C2: variants seen among roughly 807,000 people sequenced by gnomAD.
The protein encoded by C2 is C3/C5 convertase.
Under a neutral mutation model 85.2 loss-of-function variants are expected in C2, and 64 were observed. That is an observed-to-expected ratio of 0.75 (90% CI 0.61 to 0.92). The LOEUF is 0.92. Ranked by LOEUF, C2 falls within the 40% of genes least tolerant of loss-of-function variation. The probability of loss-of-function intolerance (pLI) is 0.00; values close to 1 mark genes in which losing one functional copy is unlikely to be tolerated. For missense variants in C2, 820 were observed against 971.6 expected, an observed-to-expected ratio of 0.84 and a Z score of 2.07; for synonymous variants, 311 against 370.8, an observed-to-expected ratio of 0.84 and a Z score of 1.85.
At chr6:31,898,166 C>T (rs948105083), upstream of C2, among the ~76,000 whole-genome samples, 1 of 152,198 alleles carries the variant, frequency 6.6e-6, no homozygotes, top group Non-Finnish European at 1.5e-5. Flanking sequence ...CTGGTTCTAG[C>T]ATGCTGCTTC....
intron 8 of C2, among the ~76,000 whole-genome samples, chr6:31,938,015 A>AAAAT (rs909615663): frequency 6.6e-6 from 1 of 151,940 alleles, no homozygotes; most frequent in African/African-American, 2.4e-5. Flanking sequence ...GTCTCAAAAT[A>AAAAT]AAATAAATAA....
At chr6:31,940,674 A>G (rs558353394) in intron 9 of C2, among the ~76,000 whole-genome samples, 2 of 152,264 alleles carry the variant, frequency 1.3e-5, no homozygotes, top group East Asian at 3.9e-4. Context: ...GGCCCAAGGA[A>G]GACAAAATTT....
rs544167 is a variant in C2 at position 31,922,381 on chromosome 6, T to G, written c.-100+2355T>G. Among the ~76,000 whole-genome samples the G allele has an allele frequency of 0.072, 10,882 of 152,146 alleles. 413 individuals are homozygous for G. The highest frequency in any genetic ancestry group is 0.11 in the African/African-American group (4,411 of 41,496). On this transcript the variant is annotated intron_variant, in intron 1 of 3. Transcript: ENST00000413154. The surrounding 1 kb of genome is among the most constrained non-coding windows in gnomAD (Gnocchi z 4.8). ...GATCCTAGGATGACCGCGAAGTCCA[T>G]GCCCAAGTGGCCAGACTGGATAAGG...
In C2 at chr6:31,935,731, A is replaced by T. The variant is rs1456578558; in HGVS notation, c.850-192A>T. ...TGATCCACCTGCCTAAAGTGTTGGG[A>T]TTCAGGCATGAGCCACCGCGCCCAG... On this transcript the variant is annotated intron_variant, in intron 6 of 17. Transcript: ENST00000299367. The surrounding 1 kb of genome is among the most constrained non-coding windows in gnomAD (Gnocchi z 4.3). Among the ~76,000 whole-genome samples, 1 of 151,900 alleles carries T rather than the reference A, an allele frequency of 6.6e-6. No homozygotes were observed.
chr6:31,931,870 A>C (rs1454924185), intron 3 of C2, among the ~76,000 whole-genome samples: 8 of 127,230 alleles, frequency 6.3e-5, no homozygotes, highest in African/African-American at 8.7e-5. Flanking sequence ...CCTCCCGGAC[A>C]GGGCGGCTGG....
intron 1 of C2, among the ~76,000 whole-genome samples, chr6:31,906,605 T>C (rs1767728900): frequency 6.6e-6 from 1 of 151,838 alleles, no homozygotes; most frequent in African/African-American, 2.4e-5. Context: ...TCGACAAATA[T>C]TCTATCCTCT....
chr6:31,940,295 C>CCGT (rs1202081002), intron 9 of C2, among the ~76,000 whole-genome samples: 1 of 152,180 alleles, frequency 6.6e-6, no homozygotes, highest in Non-Finnish European at 1.5e-5. Flanking sequence ...ATGACCACGA[C>CCGT]CGTCGTCGTT....
intron 1 of C2, among the ~76,000 whole-genome samples, chr6:31,912,020 T>G (rs1768145544): frequency 6.8e-6 from 1 of 146,194 alleles, no homozygotes; most frequent in African/African-American, 2.5e-5. Flanking sequence ...ATCCGCCCAC[T>G]GCAGTCTCCC....
At chr6:31,908,738 T>C (rs1398269304) in intron 1 of C2, among the ~76,000 whole-genome samples, 1 of 151,754 alleles carries the variant, frequency 6.6e-6, no homozygotes, top group African/African-American at 2.4e-5. Context: ...GCTATCGATA[T>C]CAAGATAAAA....
At chr6:31,898,269 G>T (rs1281840086), upstream of C2, among the ~76,000 whole-genome samples, 1 of 152,188 alleles carries the variant, frequency 6.6e-6, no homozygotes, top group African/African-American at 2.4e-5. Context: ...ACGCACTAGG[G>T]ATCCAGGTAA....
chr6:31,934,864 C>A, intron 6 of C2: 1 of 254,628 alleles, frequency 3.9e-6, no homozygotes, highest in Non-Finnish European at 6.3e-6. Flanking sequence ...ACAAAATTAG[C>A]CACATGTGAT....
At position 31,934,577 on chromosome 6, in the gene C2, C is replaced by T. The variant is rs186149023; in HGVS notation, c.849+278C>T. The T allele has an allele frequency of 3.1e-5, 44 of 1,438,334 alleles. No homozygotes were observed. The East Asian group carries it at 1.0e-3, about 34-fold the overall frequency. 89.1% of individuals were successfully genotyped at this position (1,438,334 alleles called of 1,614,324 possible). A position where few individuals can be genotyped will look rare whatever the true frequency, so the allele number is the denominator to read the frequency against. ...AATTCATCATCTAGAACAGTGGTCT[C>T]CACAGAAAGGTAGTGAGATAACCCA... On this transcript the variant is annotated intron_variant, in intron 6 of 17. Transcript: ENST00000299367.
chr6:31,944,263 G>A lies in C2; in HGVS notation c.1902+37G>A, dbSNP rs1771166862. On this transcript the variant is annotated intron_variant, in intron 15 of 17. Coordinates refer to ENST00000299367, the MANE Select transcript of C2 (RefSeq NM_000063.6). The surrounding 1 kb of genome is among the most constrained non-coding windows in gnomAD (Gnocchi z 5.1). ...AGGTTGGGGATGCTGGGATCCCCCTGTGACAGCTCCCAGAATGTCTCTCTT... is the reference window on the plus strand; with the variant it reads ...AGGTTGGGGATGCTGGGATCCCCCTATGACAGCTCCCAGAATGTCTCTCTT... The A allele has an allele frequency of 7.4e-7, 1 of 1,352,150 alleles. No individual in the cohort carries two copies. The highest frequency in any genetic ancestry group is 1.2e-5 in the South Asian group (1 of 85,564). 83.8% of individuals were successfully genotyped at this position (1,352,150 alleles called of 1,614,324 possible). A position where few individuals can be genotyped will look rare whatever the true frequency, so the allele number is the denominator to read the frequency against.
In C2 at chr6:31,943,460, A is replaced by G. The variant is rs772018952; in HGVS notation, c.1500A>G (p.Gln500=). ...ETCRGALISD[Q]WVLTAAHCFR... ...GCCGGGGGGCCCTCATCTCCGACCA[A>G]TGGGTCCTGACAGCAGCTCATTGCT... The change falls in exon 12 of 18, where the codon CAA becomes CAG. Residue 500 remains glutamine (Q), a synonymous_variant. Transcript: ENST00000299367. This position sits in a 1 kb window ranked among gnomAD's most constrained non-coding sequence, Gnocchi z 6.4. 3.2e-5 allele frequency: 51 copies of G among 1,612,922 alleles called. No homozygotes were observed. The highest frequency in any genetic ancestry group is 4.2e-5 in the Non-Finnish European group (49 of 1,180,022).
At chr6:31,940,165 G>A (rs1370269666) in intron 9 of C2, among the ~76,000 whole-genome samples, 8 of 152,216 alleles carry the variant, frequency 5.3e-5, no homozygotes, top group African/African-American at 1.9e-4. Context: ...GTGGCCATGG[G>A]CAGTTTCTTC....
chr6:31,922,984 T>C (rs1769065037), upstream of C2, among the ~76,000 whole-genome samples: 1 of 152,154 alleles, frequency 6.6e-6, no homozygotes, highest in Admixed American at 6.5e-5. The surrounding 1 kb of genome is among the most constrained non-coding windows in gnomAD (Gnocchi z 4.8). Flanking sequence ...TAAGAAGAAA[T>C]TTGGACAAGA....
chr6:31,925,829 C>T (rs1455665656), upstream of C2, among the ~76,000 whole-genome samples: 1 of 152,050 alleles, frequency 6.6e-6, no homozygotes, highest in East Asian at 1.9e-4. Flanking sequence ...CCTTAAATAC[C>T]CCCCACCTTT....
At chr6:31,901,323 A>G (rs745919134) in intron 1 of C2, 9 of 1,594,268 alleles carry the variant, frequency 5.6e-6, no homozygotes, top group Non-Finnish European at 8.6e-7. Flanking sequence ...GGGGTGGGCA[A>G]CCCTGGTTGG....
chr6:31,925,571 G>A (rs1055841320), upstream of C2, among the ~76,000 whole-genome samples: 1 of 152,174 alleles, frequency 6.6e-6, no homozygotes, highest in African/African-American at 2.4e-5. Flanking sequence ...GGGATTACAG[G>A]TGTGAGCCAC....
Sources: gnomAD v4.1 joint callset for allele counts (sites outside exome capture counted in the v4.1 genomes callset) on GRCh38, gnomAD v4.1.1 for gene constraint, Gnocchi (gnomAD v3.1) non-coding constraint, MANE v1.5 for transcripts, NCBI Gene and HGNC (gene_info 2026-07-23, HGNC 2026-07-21) for gene names.